Variants in NDRG2 observed in about 807,000 individuals in gnomAD.
NDRG2 encodes the protein NDRG family member 2.
NDRG2 carries 34 observed loss-of-function variants against 58.2 expected under a neutral mutation model. The ratio of observed to expected loss-of-function variants is 0.58; its 90% CI spans 0.44 to 0.78. The LOEUF is 0.78. Among genes scored for constraint, NDRG2 ranks in the 30% least tolerant of loss-of-function variants. The pLI, the probability that NDRG2 is intolerant of heterozygous loss-of-function variation, is 0.00. For synonymous variants in NDRG2, 187 were observed against 175.9 expected (o/e 1.06, Z -0.50); for missense variants, 434 against 471.2 (o/e 0.92, Z 0.73).
chr14:21,055,657 A>C (rs567452516), intron 1 of NDRG2, among the ~76,000 whole-genome samples: 23 of 152,316 alleles, frequency 1.5e-4, no homozygotes, highest in African/African-American at 5.3e-4. Flanking sequence ...GAGCTTGCAA[A>C]GTCTCTGGTC....
chr14:21,031,044 A>G, intron 1 of NDRG2: 1 of 1,613,636 alleles, frequency 6.2e-7, no homozygotes, highest in African/African-American at 1.3e-5. Context: ...ACGTTTCAAC[A>G]GTTCAAAGAG....
At chr14:21,043,301 C>T (rs372639350) in intron 1 of NDRG2, 75 of 1,614,080 alleles carry the variant, frequency 4.6e-5, no homozygotes, top group Non-Finnish European at 5.8e-5. Context: ...GCCACGGGGC[C>T]GTGTCCCTGA....
At chr14:21,043,651 G>A in intron 1 of NDRG2, 1 of 571,708 alleles carries the variant, frequency 1.7e-6, no homozygotes, top group Non-Finnish European at 3.1e-6. Flanking sequence ...TCATCTTTTT[G>A]TTGCTGTTTT....
At position 21,017,477 on chromosome 14, in the gene NDRG2, TC is replaced by T; in HGVS notation, c.*118del. ...GTAGCAATCAAAGATCAAGGTCATC[TC>T]CCCGCATGATCTGCCCTTTTTCCCT... is the stretch of plus-strand genomic sequence containing the variant. On this transcript the variant is annotated 3_prime_UTR_variant, in exon 16 of 16. Coordinates refer to ENST00000556147, the MANE Select transcript of NDRG2 (RefSeq NM_001320329.2). The T allele has an allele frequency of 8.9e-7, 1 of 1,129,858 alleles. No homozygotes were observed. Among genetic ancestry groups the T allele is most frequent in the South Asian group, 1.6e-5 (1 of 61,944 alleles). 70.0% of individuals were successfully genotyped at this position (1,129,858 alleles called of 1,614,324 possible).
intron 1 of NDRG2, among the ~76,000 whole-genome samples, chr14:21,068,584 C>T (rs1886414912): frequency 6.6e-6 from 1 of 152,016 alleles, no homozygotes; most frequent in South Asian, 2.1e-4. Flanking sequence ...CCCTGTAACC[C>T]GCCCCTGGGC....
At chr14:21,057,408 C>T (rs1037016706) in intron 1 of NDRG2, among the ~76,000 whole-genome samples, 2 of 150,956 alleles carry the variant, frequency 1.3e-5, no homozygotes, top group African/African-American at 4.9e-5. Context: ...TGCACTCCAG[C>T]ATGGGCGACA....
intron 6 of NDRG2, 107 bp downstream of exon 6, chr14:21,021,710 T>G (rs1172588461): frequency 8.3e-6 from 10 of 1,209,252 alleles, no homozygotes; most frequent in Non-Finnish European, 1.2e-5. Context: ...ATATATTGAG[T>G]TCAGAAGCTG....
intron 1 of NDRG2, among the ~76,000 whole-genome samples, chr14:21,040,821 G>A (rs923014294): frequency 7.9e-5 from 12 of 152,230 alleles, no homozygotes; most frequent in East Asian, 3.9e-4. Context: ...CGATTTCAAC[G>A]ATGTTACGTA....
intron 1 of NDRG2, chr14:21,058,165 T>C (rs1426459893): frequency 1.9e-6 from 3 of 1,613,990 alleles, no homozygotes; most frequent in Non-Finnish European, 1.7e-6. Flanking sequence ...CCTGCAAGAA[T>C]AGCTGTAAAA....
chr14:21,026,740 C>G (rs1359644490), upstream of NDRG2, among the ~76,000 whole-genome samples: 1 of 152,058 alleles, frequency 6.6e-6, no homozygotes, highest in Non-Finnish European at 1.5e-5. Context: ...TTCCTTTCTC[C>G]CACTCCCTTT....
intron 1 of NDRG2, chr14:21,031,060 G>A: frequency 6.2e-7 from 1 of 1,614,138 alleles, no homozygotes; most frequent in Non-Finnish European, 8.5e-7. Context: ...AAGAGGCAGT[G>A]AAGGAACTGG....
rs35563821 is a variant in NDRG2 at position 21,042,999 on chromosome 14, C to T, written c.25-19678G>A. 2,760 of 1,612,358 alleles carry T rather than the reference C, an allele frequency of 1.7e-3. 41 individuals carry two copies. In the African/African-American group the frequency reaches 0.033, roughly 19 times the overall value. On this transcript the variant is annotated intron_variant, in intron 1 of 14. Coordinates refer to the NDRG2 transcript ENST00000403829. ...ACTGCTCCTCCTAAGAGAGATGGCACCGGCCAGAGCAGGATTCTGCCCCCT... is the reference window on the plus strand; with the variant it reads ...ACTGCTCCTCCTAAGAGAGATGGCATCGGCCAGAGCAGGATTCTGCCCCCT...
intron 1 of NDRG2, among the ~76,000 whole-genome samples, chr14:21,039,816 C>T (rs909735280): frequency 2.6e-5 from 4 of 152,166 alleles, no homozygotes; most frequent in African/African-American, 9.7e-5. Context: ...TCACACAGTC[C>T]TAAGGCAGCC....
chr14:21,024,573 G>A lies in NDRG2; in HGVS notation c.-550C>T. 1 of 985,468 alleles carries A rather than the reference G, an allele frequency of 1.0e-6. No individual in the cohort carries two copies. The highest frequency in any genetic ancestry group is 1.2e-6 in the Non-Finnish European group (1 of 829,958). The allele number at this position is 985,468 out of a possible 1,614,324, so 61.0% of individuals were successfully genotyped here. A position where few individuals can be genotyped will look rare whatever the true frequency, so the allele number is the denominator to read the frequency against. The stretch of plus-strand genomic sequence containing the variant: ...AATTTAAAAACAAACACAAAGATTG[G>A]TGCCGTCGCTTCTCTCCTCTACTCA... On this transcript the variant is annotated 5_prime_UTR_variant, in exon 1 of 16. Transcript: ENST00000556147.
intron 1 of NDRG2, among the ~76,000 whole-genome samples, chr14:21,035,091 C>T (rs758768552): frequency 2.0e-5 from 3 of 152,236 alleles, no homozygotes; most frequent in Admixed American, 6.5e-5. Flanking sequence ...ATCCCACTCA[C>T]GGGAGCCCAG....
At chr14:21,042,942 C>T (rs1884971875) in intron 1 of NDRG2, 1 of 1,526,632 alleles carries the variant, frequency 6.6e-7, no homozygotes, top group East Asian at 2.3e-5. Flanking sequence ...AACTGAACAC[C>T]TCTGTCCCAG....
At position 21,017,470 on chromosome 14, in the gene NDRG2, G is replaced by A; in HGVS notation, c.*126C>T. 2 of 1,071,418 alleles carry A rather than the reference G, an allele frequency of 1.9e-6. No homozygotes were observed. Among genetic ancestry groups the A allele is most frequent in the South Asian group, 1.7e-5 (1 of 60,474 alleles). 66.4% of individuals were successfully genotyped at this position (1,071,418 alleles called of 1,614,324 possible). A position where few individuals can be genotyped will look rare whatever the true frequency, so the allele number is the denominator to read the frequency against. ...GGTTAGGGTAGCAATCAAAGATCAA[G>A]GTCATCTCCCCGCATGATCTGCCCT... On this transcript the variant is annotated 3_prime_UTR_variant, in exon 16 of 16. Transcript: ENST00000556147.
chr14:21,043,473 C>CCTAAAGAAACAGCAAGCTCAGGTCTG (rs773465137), intron 1 of NDRG2: 1 of 1,558,238 alleles, frequency 6.4e-7, no homozygotes, highest in South Asian at 1.2e-5. Context: ...GGTTTCCAGA[C>CCTAAAGAAACAGCAAGCTCAGGTCTG]TGGCTTGCTC....
At chr14:21,050,079 T>C (rs1381272979) in intron 1 of NDRG2, among the ~76,000 whole-genome samples, 1 of 152,210 alleles carries the variant, frequency 6.6e-6, no homozygotes, top group African/African-American at 2.4e-5. Context: ...AGCCCAGATA[T>C]CTTTCAAGAT....
Sources: gnomAD v4.1 joint callset for allele counts (sites outside exome capture counted in the v4.1 genomes callset) on GRCh38, gnomAD v4.1.1 for gene constraint, MANE v1.5 for transcripts, NCBI Gene and HGNC (gene_info 2026-07-23, HGNC 2026-07-21) for gene names.